ZNF471: variants seen among roughly 807,000 people sequenced by gnomAD.
ZNF471 encodes the protein zinc finger protein 471, also known as EZFIT-related protein 1.
ZNF471 carries 7 observed loss-of-function variants against 13.7 expected under a neutral mutation model. That is an observed-to-expected ratio of 0.51 (90% CI 0.29 to 0.96). ZNF471 has a LOEUF of 0.96. ZNF471 is among the 40% of genes least tolerant of loss of function. The pLI is 0.08. For missense variants in ZNF471, 663 were observed against 743.3 expected (o/e 0.89, Z 1.26); for synonymous variants, 218 against 235.6 (o/e 0.93, Z 0.68).
At chr19:56,520,505 A>C (rs1013914652) in intron 4 of ZNF471, among the ~76,000 whole-genome samples, 1 of 152,178 alleles carries the variant, frequency 6.6e-6, no homozygotes, top group African/African-American at 2.4e-5. Context: ...TTAACCCCAC[A>C]TTGCCTCAAT....
chr19:56,513,561 A>G (rs967793433), intron 2 of ZNF471, among the ~76,000 whole-genome samples: 2 of 152,110 alleles, frequency 1.3e-5, no homozygotes, highest in African/African-American at 4.8e-5. Context: ...CTGTTATTGC[A>G]TACTTAGTTC....
Position 56,525,681 on chromosome 19 carries a change from A to G in ZNF471, c.1614A>G (p.Thr538=). Residue 538 remains threonine, a synonymous_variant, in exon 5 of 5, where the codon ACA becomes ACG. Transcript: ENST00000308031. The stretch of plus-strand genomic sequence containing the variant: ...TTGCCCAACATCAGAAAACTCATAC[A>G]GGAGAGAAACCTTATGAGTGTAATG... The part of the protein sequence containing the change: ...SHLAQHQKTH[T]GEKPYECNEC... The G allele has an allele frequency of 6.2e-7, 1 of 1,614,118 alleles. No homozygotes were observed. Among genetic ancestry groups the G allele is most frequent in the Non-Finnish European group, 8.5e-7 (1 of 1,179,990 alleles).
At chr19:56,515,363 GA>G (rs2043869084) in intron 2 of ZNF471, among the ~76,000 whole-genome samples, 1 of 151,658 alleles carries the variant, frequency 6.6e-6, no homozygotes, top group African/African-American at 2.4e-5. Flanking sequence ...ACTAGAAGGT[GA>G]AAACTAGAAT....
intron 2 of ZNF471, among the ~76,000 whole-genome samples, chr19:56,515,235 TA>T (rs2043866279): frequency 6.6e-6 from 1 of 152,178 alleles, no homozygotes; most frequent in Non-Finnish European, 1.5e-5. Flanking sequence ...CCTCTGTCCT[TA>T]ATAGTCAGCA....
At position 56,528,150 on chromosome 19, in the gene ZNF471, C is replaced by T. The variant is rs922106510; in HGVS notation, c.*2202C>T. The T allele has an allele frequency of 7.2e-5, 11 of 152,168 alleles. No homozygotes were observed. Among genetic ancestry groups the T allele is most frequent in the Middle Eastern group, 3.2e-3 (1 of 316 alleles). 9.4% of individuals were successfully genotyped at this position (152,168 alleles called of 1,614,324 possible). A position where few individuals can be genotyped will look rare whatever the true frequency, so the allele number is the denominator to read the frequency against. On this transcript the variant is annotated 3_prime_UTR_variant, in exon 5 of 5. Transcript: ENST00000308031. ...TCAATGGGTTGCATACCCATGAATTCTAAAACTTCATCCTCTTTTGTCCCT... is the reference window on the plus strand; with the variant it reads ...TCAATGGGTTGCATACCCATGAATTTTAAAACTTCATCCTCTTTTGTCCCT...
chr19:56,525,453 G>A lies in ZNF471; in HGVS notation c.1386G>A (p.Lys462=). Reference sequence around the variant, plus strand: ...CTGGAGAGAAACCGTATGAATGCAAGGAATGTGGGAAAGCCTTTAGGCAGA... The same window carrying A: ...CTGGAGAGAAACCGTATGAATGCAAAGAATGTGGGAAAGCCTTTAGGCAGA... ...VHSGEKPYEC[K]ECGKAFRQNV... The change falls in exon 5 of 5, where the codon AAG becomes AAA. Residue 462 remains lysine (K), a synonymous_variant. Coordinates refer to ENST00000308031, the MANE Select transcript of ZNF471 (RefSeq NM_020813.4). The A allele has an allele frequency of 6.2e-7, 1 of 1,613,996 alleles. No homozygotes were observed. The highest frequency in any genetic ancestry group is 8.5e-7 in the Non-Finnish European group (1 of 1,180,022).
intron 2 of ZNF471, 152 bp downstream of exon 2, chr19:56,511,756 C>G (rs898061067): frequency 1.1e-5 from 7 of 647,700 alleles, no homozygotes; most frequent in Non-Finnish European, 1.9e-5. Flanking sequence ...CTCTAATTAC[C>G]TAATGAGTGA....
chr19:56,515,897 C>A (rs191553627), intron 2 of ZNF471, among the ~76,000 whole-genome samples: 3 of 152,100 alleles, frequency 2.0e-5, no homozygotes, highest in African/African-American at 7.2e-5. Context: ...AAAAAAAAAT[C>A]AGCTACATTA....
intron 2 of ZNF471, among the ~76,000 whole-genome samples, chr19:56,511,811 C>T (rs1299094537): frequency 6.6e-6 from 1 of 152,162 alleles, no homozygotes; most frequent in African/African-American, 2.4e-5. Flanking sequence ...TCTGAGATTC[C>T]TCTTCCCACC....
Position 56,510,435 on chromosome 19 carries a change from GGTT to G in ZNF471, c.-55-1079_-55-1077del. 1 of 985,666 alleles carries G rather than the reference GGTT, an allele frequency of 1.0e-6. No individual in the cohort carries two copies. The highest frequency in any genetic ancestry group is 1.2e-6 in the Non-Finnish European group (1 of 829,970). The allele number at this position is 985,666 out of a possible 1,614,324, so 61.1% of individuals were successfully genotyped here. A position where few individuals can be genotyped will look rare whatever the true frequency, so the allele number is the denominator to read the frequency against. On this transcript the variant is annotated intron_variant, in intron 1 of 4. Transcript: ENST00000308031. The surrounding 1 kb of genome is among the most constrained non-coding windows in gnomAD (Gnocchi z 4.3). ...GGCTTTACAAATATAACCTCTGTGA[GGTT>G]GTGAAGCATGCATGTGTGAGTGAGA... is the stretch of plus-strand genomic sequence containing the variant.
rs896084107 is a variant in ZNF471 at position 56,528,020 on chromosome 19, T to C, written c.*2072T>C. On this transcript the variant is annotated 3_prime_UTR_variant, in exon 5 of 5. Transcript: ENST00000308031. ...AAGAAAAATTGTCTTGTGCCACACA[T>C]ACAATACACTAACATTAACAATAGC... is the stretch of plus-strand genomic sequence containing the variant. 1 of 151,764 alleles carries C rather than the reference T, an allele frequency of 6.6e-6. No homozygotes were observed. The highest frequency in any genetic ancestry group is 2.4e-5 in the African/African-American group (1 of 41,234). 9.4% of individuals were successfully genotyped at this position (151,764 alleles called of 1,614,324 possible).
In ZNF471 at chr19:56,507,857, G is replaced by GC. The variant is rs2043752454; in HGVS notation, c.-119_-118insC. ...AGAGGCTGGCGCCTGCGCGATGGGGGGTTCCAGCGTCGACTCACGGAGTCC... is the reference window on the plus strand; with the variant it reads ...AGAGGCTGGCGCCTGCGCGATGGGGGCGTTCCAGCGTCGACTCACGGAGTCC... On this transcript the variant is annotated 5_prime_UTR_variant, in exon 1 of 5. Coordinates refer to ENST00000308031, the MANE Select transcript of ZNF471 (RefSeq NM_020813.4). 9 of 985,544 alleles carry GC rather than the reference G, an allele frequency of 9.1e-6. No homozygotes were observed. Among genetic ancestry groups the GC allele is most frequent in the African/African-American group, 1.7e-5 (1 of 57,232 alleles). The allele number at this position is 985,544 out of a possible 1,614,324, so 61.0% of individuals were successfully genotyped here.
At position 56,525,606 on chromosome 19, in the gene ZNF471, G is replaced by C. The variant is rs541658230; in HGVS notation, c.1539G>C (p.Lys513Asn). Residue 513 changes from lysine (K) to asparagine (N), a missense_variant, in exon 5 of 5, where the codon AAG becomes AAC. Coordinates refer to ENST00000308031, the MANE Select transcript of ZNF471 (RefSeq NM_020813.4). ...ATHQRIHTGE[K>N]PYECIECGNA... ...ATCAGAGAATTCATACTGGAGAGAA[G>C]CCTTATGAATGTATTGAATGTGGAA... 1.9e-6 allele frequency: 3 copies of C among 1,614,038 alleles called. No homozygotes were observed. The African/African-American group carries it at 4.0e-5, about 22-fold the overall frequency.
intron 2 of ZNF471, among the ~76,000 whole-genome samples, chr19:56,514,059 ATT>A (rs57705988): frequency 2.6e-3 from 300 of 116,654 alleles, no homozygotes; most frequent in South Asian, 7.2e-3. Flanking sequence ...TAACTTTTTA[ATT>A]TTTTTTTTTT....
At chr19:56,519,316 T>A (rs1007497420) in intron 4 of ZNF471, among the ~76,000 whole-genome samples, 1 of 152,336 alleles carries the variant, frequency 6.6e-6, no homozygotes, top group East Asian at 1.9e-4. Flanking sequence ...AGCTTTTTAC[T>A]GACTCAGGCA....
Position 56,526,045 on chromosome 19 carries a change from T to A in ZNF471, c.*97T>A. ...ATAAAAAACATATAAATGTAAGAAA[T>A]GTAGAAAAACCTTCAGCCAGGAGGC... On this transcript the variant is annotated 3_prime_UTR_variant, in exon 5 of 5. Transcript: ENST00000308031. 1 of 1,340,530 alleles carries A rather than the reference T, an allele frequency of 7.5e-7. No individual in the cohort carries two copies. Among genetic ancestry groups the A allele is most frequent in the Non-Finnish European group, 1.0e-6 (1 of 995,562 alleles). 83.0% of individuals were successfully genotyped at this position (1,340,530 alleles called of 1,614,324 possible). A position where few individuals can be genotyped will look rare whatever the true frequency, so the allele number is the denominator to read the frequency against.
chr19:56,525,155 G>T lies in ZNF471; in HGVS notation c.1088G>T (p.Arg363Leu), dbSNP rs142290015. Residue 363 changes from arginine to leucine, a missense_variant, in exon 5 of 5, where the codon CGT becomes CTT. Physicochemically the swap from Arg to Leu is moderately radical, Grantham distance 102. Coordinates refer to ENST00000308031, the MANE Select transcript of ZNF471 (RefSeq NM_020813.4). ...KAFRYNTSFI[R>L]HWRSYHTGEK... ...TTTAGGTATAACACATCTTTTATTC[G>T]TCACTGGAGGAGTTATCATACTGGA... is the stretch of plus-strand genomic sequence containing the variant. 2 of 1,614,010 alleles carry T rather than the reference G, an allele frequency of 1.2e-6. No homozygotes were observed. Among genetic ancestry groups the T allele is most frequent in the African/African-American group, 1.3e-5 (1 of 74,898 alleles).
intron 2 of ZNF471, among the ~76,000 whole-genome samples, chr19:56,512,428 AC>A (rs1276468331): frequency 2.6e-5 from 4 of 151,968 alleles, no homozygotes; most frequent in African/African-American, 9.7e-5. Context: ...GGCTGAAATT[AC>A]ATTAACTTTT....
At chr19:56,520,349 G>A (rs1455919920) in intron 4 of ZNF471, among the ~76,000 whole-genome samples, 1 of 152,168 alleles carries the variant, frequency 6.6e-6, no homozygotes, top group East Asian at 1.9e-4. Flanking sequence ...GCTCTCTGTA[G>A]GAAATTGGAG....
Sources: allele counts gnomAD v4.1 joint callset (sites outside exome capture counted in the v4.1 genomes callset), GRCh38; gene constraint gnomAD v4.1.1; non-coding constraint Gnocchi (gnomAD v3.1); transcripts MANE v1.5; gene names NCBI Gene and HGNC (gene_info 2026-07-23, HGNC 2026-07-21).